Variants in SPPL2A observed in about 807,000 individuals in gnomAD.
SPPL2A encodes signal peptide peptidase like 2A.
In SPPL2A, 51 loss-of-function variants were observed where a neutral mutation model predicts 63.8. The observed-to-expected ratio is 0.80, with a 90% CI of 0.64 to 1.01. SPPL2A has a LOEUF of 1.01. Ranked by LOEUF, SPPL2A falls within the 50% of genes least tolerant of loss-of-function variation. SPPL2A has a pLI of 0.00. For missense variants in SPPL2A, 553 were observed against 622.7 expected (o/e 0.89, Z 1.19); for synonymous variants, 188 against 205.8 (o/e 0.91, Z 0.74).
intron 1 of SPPL2A, 33 bp downstream of exon 1, chr15:50,765,435 C>T: frequency 1.3e-6 from 2 of 1,491,298 alleles, no homozygotes; most frequent in Non-Finnish European, 8.9e-7. Flanking sequence ...CGCCCAGCCC[C>T]TGGGAGGCCT....
chr15:50,718,087 T>A (rs920868107), intron 14 of SPPL2A, among the ~76,000 whole-genome samples: 1 of 147,094 alleles, frequency 6.8e-6, no homozygotes, highest in African/African-American at 2.5e-5. Flanking sequence ...TTCTCCTGCC[T>A]CAGCCTCCCG....
intron 6 of SPPL2A, among the ~76,000 whole-genome samples, chr15:50,738,124 C>T (rs768856531): frequency 5.9e-5 from 9 of 152,086 alleles, no homozygotes; most frequent in Non-Finnish European, 1.2e-4. Flanking sequence ...GCAGAGGTTG[C>T]AGTGAACCCA....
intron 5 of SPPL2A, among the ~76,000 whole-genome samples, chr15:50,746,513 T>A (rs943388179): frequency 1.3e-5 from 2 of 151,400 alleles, no homozygotes; most frequent in African/African-American, 4.8e-5. Context: ...TTGCGGCTAA[T>A]TATGTTCTCT....
rs941478529 is a variant in SPPL2A at position 50,765,644 on chromosome 15, G to A, written c.-111C>T. ...TCCGTGGCCGGACCGGACCGGACAG[G>A]CGCGGGCGGCCGGGCTACGACTGGA... On this transcript the variant is annotated 5_prime_UTR_variant, in exon 1 of 15. Coordinates refer to ENST00000261854, the MANE Select transcript of SPPL2A (RefSeq NM_032802.4). 18 of 707,662 alleles carry A rather than the reference G, an allele frequency of 2.5e-5. No homozygotes were observed. In the South Asian group the frequency reaches 4.5e-4, roughly 18 times the overall value. 43.8% of individuals were successfully genotyped at this position (707,662 alleles called of 1,614,324 possible).
intron 13 of SPPL2A, 116 bp downstream of exon 13, chr15:50,722,008 G>T: frequency 1.6e-6 from 1 of 608,870 alleles, no homozygotes; most frequent in Non-Finnish European, 2.9e-6. Flanking sequence ...AAAGTGCTAG[G>T]ACTCCAGGGG....
intron 11 of SPPL2A, among the ~76,000 whole-genome samples, chr15:50,725,720 C>T (rs527843636): frequency 7.9e-5 from 12 of 152,294 alleles, no homozygotes; most frequent in South Asian, 2.1e-4. Flanking sequence ...CATGAGCCAC[C>T]GTGCCTGGCC....
chr15:50,706,214 A>AC lies in SPPL2A; in HGVS notation c.*1585dup, dbSNP rs2062506937. On this transcript the variant is annotated 3_prime_UTR_variant, in exon 15 of 15. Coordinates refer to ENST00000261854, the MANE Select transcript of SPPL2A (RefSeq NM_032802.4). ...AGACCATCCCGGCTAAAACGGTGAA[A>AC]CCCCGTCTCTACTAAAACTACAAAA... 1 of 150,892 alleles carries AC rather than the reference A, an allele frequency of 6.6e-6. No individual in the cohort carries two copies. The highest frequency in any genetic ancestry group is 1.5e-5 in the Non-Finnish European group (1 of 67,738). The allele number at this position is 150,892 out of a possible 1,614,324, so 9.3% of individuals were successfully genotyped here.
At chr15:50,751,407 T>C (rs1321388550) in intron 1 of SPPL2A, among the ~76,000 whole-genome samples, 4 of 152,200 alleles carry the variant, frequency 2.6e-5, no homozygotes, top group Non-Finnish European at 5.9e-5. Flanking sequence ...TCATTTACAG[T>C]TCTAGCTAAA....
chr15:50,747,994 C>G (rs769271307), intron 4 of SPPL2A, 119 bp downstream of exon 4: 2 of 492,184 alleles, frequency 4.1e-6, no homozygotes, highest in Non-Finnish European at 6.9e-6. Context: ...ACTTGATAGG[C>G]CTTATAGCTT....
chr15:50,746,046 A>G (rs2062854753), intron 5 of SPPL2A, among the ~76,000 whole-genome samples: 1 of 151,840 alleles, frequency 6.6e-6, no homozygotes, highest in South Asian at 2.1e-4. Flanking sequence ...GCAAGTCTCC[A>G]TCTCAAAAAA....
chr15:50,727,901 TCCA>T (rs2062698729), intron 10 of SPPL2A, among the ~76,000 whole-genome samples: 1 of 152,206 alleles, frequency 6.6e-6, no homozygotes, highest in African/African-American at 2.4e-5. Context: ...CTTAGCTTTT[TCCA>T]CCACATTAGG....
intron 14 of SPPL2A, among the ~76,000 whole-genome samples, chr15:50,717,506 GT>G (rs905692218): frequency 1.3e-5 from 2 of 152,086 alleles, no homozygotes; most frequent in African/African-American, 2.4e-5. Context: ...ATTGTCCCCA[GT>G]TTTGCTCCCT....
chr15:50,753,797 C>A (rs2062929774), intron 1 of SPPL2A, among the ~76,000 whole-genome samples: 1 of 151,796 alleles, frequency 6.6e-6, no homozygotes, highest in South Asian at 2.1e-4. Flanking sequence ...TTCTTTCTCT[C>A]TTTTTTTCTT....
chr15:50,732,846 T>G (rs1055556246), intron 8 of SPPL2A, among the ~76,000 whole-genome samples, 162 bp from the exon 9 acceptor site: 1 of 151,846 alleles, frequency 6.6e-6, no homozygotes, highest in Non-Finnish European at 1.5e-5. Context: ...TGGAGTGCAG[T>G]GGCATGATCT....
At chr15:50,729,248 T>A (rs2062712181) in intron 10 of SPPL2A, among the ~76,000 whole-genome samples, 1 of 152,242 alleles carries the variant, frequency 6.6e-6, no homozygotes, top group Non-Finnish European at 1.5e-5. Context: ...CCACCGCACC[T>A]GGCCAAATTA....
chr15:50,757,504 A>C (rs551045481), intron 1 of SPPL2A, among the ~76,000 whole-genome samples: 19 of 152,284 alleles, frequency 1.2e-4, no homozygotes, highest in African/African-American at 4.6e-4. Flanking sequence ...TTACAGGCCA[A>C]TTCCTTCAGA....
chr15:50,726,516 T>C (rs2062689713), intron 10 of SPPL2A, 139 bp from the exon 11 acceptor site: 1 of 745,276 alleles, frequency 1.3e-6, no homozygotes, highest in South Asian at 1.8e-5. Context: ...TTTCCTAAAG[T>C]CTTTGTAGAT....
chr15:50,718,833 T>C (rs186426055), intron 14 of SPPL2A, among the ~76,000 whole-genome samples: 1 of 152,286 alleles, frequency 6.6e-6, no homozygotes, highest in East Asian at 1.9e-4. Context: ...TTATCTACTA[T>C]CAGAGTTTCA....
At chr15:50,725,565 G>T in intron 11 of SPPL2A, 1 of 302,594 alleles carries the variant, frequency 3.3e-6, no homozygotes, top group Non-Finnish European at 6.2e-6. Flanking sequence ...CAAGTAGCTG[G>T]GATTACAGGC....
Sources: gnomAD v4.1 joint callset for allele counts (sites outside exome capture counted in the v4.1 genomes callset) on GRCh38, gnomAD v4.1.1 for gene constraint, MANE v1.5 for transcripts, NCBI Gene and HGNC (gene_info 2026-07-23, HGNC 2026-07-21) for gene names.